The following CCDC12 variants were observed in gnomAD, a reference collection of about 807,000 sequenced individuals.
CCDC12 encodes the protein coiled-coil domain containing 12, also known as coiled-coil domain-containing protein 12.
Under a neutral mutation model 25.7 loss-of-function variants are expected in CCDC12, and 28 were observed. That is an observed-to-expected ratio of 1.09 (90% confidence interval 0.81 to 1.50). The LOEUF (loss-of-function observed/expected upper bound fraction) is 1.50. CCDC12 is among the 40% of genes most tolerant of loss of function. The pLI, the probability that CCDC12 is intolerant of heterozygous loss-of-function variation, is 0.00. For synonymous variants in CCDC12, 75 were observed against 87.7 expected (o/e 0.86, Z 0.81); for missense variants, 198 against 210.0 (o/e 0.94, Z 0.35).
At chr3:46,936,242 T>A (rs889841466) in intron 2 of CCDC12, among the ~76,000 whole-genome samples, 3 of 152,204 alleles carry the variant, frequency 2.0e-5, no homozygotes, top group Admixed American at 1.3e-4. Context: ...TACAAAGTGG[T>A]TCCTAATCAC....
chr3:46,941,068 G>C lies in CCDC12; in HGVS notation c.97-3C>G. 1 of 1,614,092 alleles carries C rather than the reference G, an allele frequency of 6.2e-7. No individual in the cohort carries two copies. Among genetic ancestry groups the C allele is most frequent in the Non-Finnish European group, 8.5e-7 (1 of 1,179,962 alleles). On this transcript the variant is annotated splice_polypyrimidine_tract_variant and splice_region_variant and intron_variant, in intron 1 of 6. Transcript: ENST00000683445. ...TTTGGCTCCCCATCTTCCTTGTCCT[G>C]CAAAGAAAGGGAGAAAACCACCAGC...
At chr3:46,968,816 G>C (rs976170478) in intron 1 of CCDC12, among the ~76,000 whole-genome samples, 9 of 152,222 alleles carry the variant, frequency 5.9e-5, no homozygotes, top group Admixed American at 4.6e-4. Flanking sequence ...GACAATCTAG[G>C]GTCAGCAACA....
chr3:46,939,980 TACAC>T (rs2033629035), intron 2 of CCDC12, among the ~76,000 whole-genome samples: 1 of 152,100 alleles, frequency 6.6e-6, no homozygotes, highest in African/African-American at 2.4e-5. Flanking sequence ...CATCAAGATC[TACAC>T]CCCCCTGTGC....
At chr3:46,951,802 T>A (rs867548694) in intron 1 of CCDC12, among the ~76,000 whole-genome samples, 647 of 27,408 alleles carry the variant, frequency 0.024, 8 homozygotes, top group East Asian at 0.053. Context: ...AAAAAAAATA[T>A]ATATATATAT....
At chr3:46,964,951 AAAAATAAAATAAAATAAAT>A (rs1339299244) in intron 1 of CCDC12, among the ~76,000 whole-genome samples, 8 of 152,136 alleles carry the variant, frequency 5.3e-5, no homozygotes, top group Non-Finnish European at 1.2e-4. Flanking sequence ...TGATCAATAA[AAAAATAAAATAAAATAAAT>A]AAAATAAAAT....
chr3:46,957,874 A>G (rs1356345933), intron 1 of CCDC12, among the ~76,000 whole-genome samples: 1 of 151,666 alleles, frequency 6.6e-6, no homozygotes, highest in Non-Finnish European at 1.5e-5. Context: ...ACCCAGGTGG[A>G]GGAGGTTGCA....
Position 46,923,627 on chromosome 3 carries a change from C to CGGGCTT in CCDC12, c.280_285dup (p.Lys94_Pro95dup). On this transcript the variant is annotated inframe_insertion, in exon 4 of 7. Coordinates refer to ENST00000683445, the MANE Select transcript of CCDC12 (RefSeq NM_001277074.2). ...CTCACCACCTCCTCGATGACGGGCTCGGGCTTGGCGGCCTCCAGCTGCTCC... is the reference window on the plus strand; with the variant it reads ...CTCACCACCTCCTCGATGACGGGCTCGGGCTTGGGCTTGGCGGCCTCCAGCTGCTCC... 6.3e-7 allele frequency: 1 copy of CGGGCTT among 1,589,296 alleles called. No homozygotes were observed. Among genetic ancestry groups the CGGGCTT allele is most frequent in the East Asian group, 2.3e-5 (1 of 43,994 alleles).
At chr3:46,977,558 C>G (rs1363007711), upstream of CCDC12, among the ~76,000 whole-genome samples, 1 of 151,930 alleles carries the variant, frequency 6.6e-6, no homozygotes, top group African/African-American at 2.4e-5. Context: ...ACCTCTGCAG[C>G]TGTCAGTGGC....
chr3:46,956,849 C>G (rs2034305234), intron 1 of CCDC12, among the ~76,000 whole-genome samples: 1 of 151,626 alleles, frequency 6.6e-6, no homozygotes, highest in Non-Finnish European at 1.5e-5. Flanking sequence ...AAAAATCATT[C>G]ATACAACGTA....
intron 1 of CCDC12, among the ~76,000 whole-genome samples, chr3:46,971,526 AAG>A (rs1160224988): frequency 6.6e-6 from 1 of 152,206 alleles, no homozygotes; most frequent in African/African-American, 2.4e-5. Context: ...GCATGACTAC[AAG>A]AGAGTTTTGC....
chr3:46,923,414 G>C lies in CCDC12; in HGVS notation c.307-51C>G, dbSNP rs189054318. On this transcript the variant is annotated intron_variant, in intron 4 of 6. Coordinates refer to ENST00000683445, the MANE Select transcript of CCDC12 (RefSeq NM_001277074.2). ...GGGTGGAGGGGCCACCCCAGGACAA[G>C]GGGGAGGGCAGGCTCGAGAAGGAGG... is the stretch of plus-strand genomic sequence containing the variant. 2,934 of 1,556,068 alleles carry C rather than the reference G, an allele frequency of 1.9e-3. 9 individuals are homozygous for C. Among genetic ancestry groups the C allele is most frequent in the African/African-American group, 0.012 (902 of 73,590 alleles).
intron 2 of CCDC12, among the ~76,000 whole-genome samples, chr3:46,928,694 G>T (rs1426887412): frequency 6.6e-6 from 1 of 152,198 alleles, no homozygotes; most frequent in African/African-American, 2.4e-5. Flanking sequence ...GCCTTCAAGA[G>T]AAAGACTTTT....
At chr3:46,932,444 C>T (rs952642826) in intron 2 of CCDC12, among the ~76,000 whole-genome samples, 4 of 152,226 alleles carry the variant, frequency 2.6e-5, no homozygotes. Context: ...CCAGTGGCTT[C>T]CCCACTCGTG....
intron 1 of CCDC12, among the ~76,000 whole-genome samples, chr3:46,943,384 A>T (rs545498627): frequency 6.6e-6 from 1 of 152,322 alleles, no homozygotes; most frequent in South Asian, 2.1e-4. Flanking sequence ...TGCAGTGCCT[A>T]CCTCAGGGGA....
In CCDC12 at chr3:46,940,983, G is replaced by A; in HGVS notation, c.164+15C>T. 3.1e-6 allele frequency: 5 copies of A among 1,613,420 alleles called. No individual in the cohort carries two copies. Among genetic ancestry groups the A allele is most frequent in the Non-Finnish European group, 4.2e-6 (5 of 1,179,336 alleles). On this transcript the variant is annotated intron_variant, in intron 2 of 6. Coordinates refer to ENST00000683445, the MANE Select transcript of CCDC12 (RefSeq NM_001277074.2). ...GGAGGAGAGAGCAGACCCTGGAGCTGCACACGGGCATTACCTGTGCTTCTC... is the reference window on the plus strand; with the variant it reads ...GGAGGAGAGAGCAGACCCTGGAGCTACACACGGGCATTACCTGTGCTTCTC...
chr3:46,955,394 G>A (rs1273297855), intron 1 of CCDC12, among the ~76,000 whole-genome samples: 2 of 152,190 alleles, frequency 1.3e-5, no homozygotes, highest in African/African-American at 2.4e-5. Context: ...AGCAGACAGT[G>A]AACAGATAAC....
At chr3:46,951,827 A>ATATATATATATATATAT (rs1328099662) in intron 1 of CCDC12, among the ~76,000 whole-genome samples, 5 of 105,768 alleles carry the variant, frequency 4.7e-5, no homozygotes, top group South Asian at 3.5e-4. Flanking sequence ...ATATATACTT[A>ATATATATATATATATAT]ATGAGGATCA....
intron 1 of CCDC12, among the ~76,000 whole-genome samples, chr3:46,944,042 G>A (rs1255654662): frequency 1.3e-5 from 2 of 152,164 alleles, no homozygotes; most frequent in African/African-American, 2.4e-5. Flanking sequence ...TTGCTGCCCG[G>A]GATAGTGGAG....
intron 1 of CCDC12, among the ~76,000 whole-genome samples, chr3:46,955,428 T>TG (rs1246125345): frequency 6.6e-5 from 10 of 152,058 alleles, no homozygotes; most frequent in Middle Eastern, 3.2e-3. Context: ...ATCCAAAGCC[T>TG]GAATGCCACT....
Sources: gnomAD v4.1 joint callset for allele counts (sites outside exome capture counted in the v4.1 genomes callset) on GRCh38, gnomAD v4.1.1 for gene constraint, MANE v1.5 for transcripts, NCBI Gene and HGNC (gene_info 2026-07-23, HGNC 2026-07-21) for gene names.